Variants in CDS1 observed in about 807,000 individuals in gnomAD.
CDS1 encodes the protein CDP-diacylglycerol synthase 1, also known as phosphatidate cytidylyltransferase 1.
In CDS1, 41 loss-of-function variants were observed where a neutral mutation model predicts 62.1. That is an observed-to-expected ratio of 0.66 (90% confidence interval 0.51 to 0.86). The LOEUF is 0.86. Ranked by LOEUF, CDS1 falls within the 40% of genes least tolerant of loss-of-function variation. CDS1 has a pLI of 0.00. For synonymous variants in CDS1, 185 were observed against 192.6 expected (o/e 0.96, Z 0.32); for missense variants, 470 against 550.1 (o/e 0.85, Z 1.46).
intron 2 of CDS1, among the ~76,000 whole-genome samples, chr4:84,606,548 T>C (rs183263537): frequency 4.5e-4 from 69 of 152,326 alleles, no homozygotes; most frequent in African/African-American, 1.7e-3. Flanking sequence ...TTTAGTATAT[T>C]ACTAAATGTT....
At chr4:84,609,699 G>A (rs758280516) in intron 3 of CDS1, among the ~76,000 whole-genome samples, 174 bp downstream of exon 3, 9 of 152,070 alleles carry the variant, frequency 5.9e-5, no homozygotes, top group Non-Finnish European at 1.3e-4. Flanking sequence ...AATCTTTTCT[G>A]TTTGCAAAAT....
At chr4:84,603,409 CAG>C (rs1281942872) in intron 1 of CDS1, among the ~76,000 whole-genome samples, 4 of 152,114 alleles carry the variant, frequency 2.6e-5, no homozygotes, top group Non-Finnish European at 4.4e-5. Context: ...TGAAGGTTGC[CAG>C]GGTAGGATGG....
Position 84,648,608 on chromosome 4 carries a change from A to G in CDS1, c.1308A>G (p.Glu436=). Residue 436 remains glutamate (E), a synonymous_variant, in exon 13 of 13, where the codon GAA becomes GAG. Transcript: ENST00000295887. ...VLQQLLVLQP[E]QQLNIYKTLK... ...AGCAGTTGTTGGTGCTTCAACCTGA[A>G]CAGCAGTTAAATATATATAAAACCC... 1 of 1,613,932 alleles carries G rather than the reference A, an allele frequency of 6.2e-7. No homozygotes were observed. The highest frequency in any genetic ancestry group is 8.5e-7 in the Non-Finnish European group (1 of 1,179,872).
chr4:84,627,100 G>A (rs1196355708), intron 5 of CDS1, among the ~76,000 whole-genome samples: 2 of 152,168 alleles, frequency 1.3e-5, no homozygotes, highest in Non-Finnish European at 2.9e-5. Context: ...AATATTCCAA[G>A]TGCCCTGTGA....
intron 1 of CDS1, among the ~76,000 whole-genome samples, chr4:84,599,393 GACACAC>G (rs372134066): frequency 5.0e-4 from 27 of 53,620 alleles, no homozygotes; most frequent in African/African-American, 1.0e-3. Context: ...GGCAAATTTT[GACACAC>G]ACACACATAT....
chr4:84,589,202 G>C (rs911536001), intron 1 of CDS1, among the ~76,000 whole-genome samples: 1 of 152,026 alleles, frequency 6.6e-6, no homozygotes, highest in Non-Finnish European at 1.5e-5. Context: ...GTGGTACATC[G>C]GTCAAAACTT....
chr4:84,645,098 GA>G (rs576669477), intron 11 of CDS1, 123 bp from the exon 12 acceptor site: 3 of 665,842 alleles, frequency 4.5e-6, no homozygotes, highest in African/African-American at 1.8e-5. Flanking sequence ...TTTATTTAGT[GA>G]AAAAAATCCA....
At chr4:84,636,523 T>G (rs984710726) in intron 8 of CDS1, among the ~76,000 whole-genome samples, 2 of 152,134 alleles carry the variant, frequency 1.3e-5, no homozygotes, top group African/African-American at 4.8e-5. Flanking sequence ...TTATTTTTGT[T>G]TAGTTTTTAT....
At chr4:84,590,090 C>T (rs1013481947) in intron 1 of CDS1, among the ~76,000 whole-genome samples, 14 of 152,186 alleles carry the variant, frequency 9.2e-5, no homozygotes, top group African/African-American at 2.7e-4. Context: ...GGATTACAGG[C>T]ATGAGCCACC....
rs537127314 is a variant in CDS1 at position 84,599,638 on chromosome 4, A to G, written c.118-4605A>G. ...ATATAATACGTGTGTGTGTATATATATATATATGTATTACATGTACATTTT... is the reference window on the plus strand; with the variant it reads ...ATATAATACGTGTGTGTGTATATATGTATATATGTATTACATGTACATTTT... On this transcript the variant is annotated intron_variant, in intron 1 of 12. Coordinates refer to ENST00000295887, the MANE Select transcript of CDS1 (RefSeq NM_001263.4). 3.0e-4 allele frequency among the ~76,000 whole-genome samples: 46 copies of G among 151,924 alleles called. No homozygotes were observed. In the South Asian group the frequency reaches 3.1e-3, roughly 10 times the overall value.
rs1578061010 is a variant in CDS1, at chr4:84,650,245, G to A, written c.*1559G>A. 6.6e-6 allele frequency: 1 copy of A among 152,042 alleles called. No homozygotes were observed. Among genetic ancestry groups the A allele is most frequent in the East Asian group, 1.9e-4 (1 of 5,176 alleles). 9.4% of individuals were successfully genotyped at this position (152,042 alleles called of 1,614,324 possible). A position where few individuals can be genotyped will look rare whatever the true frequency, so the allele number is the denominator to read the frequency against. On this transcript the variant is annotated 3_prime_UTR_variant, in exon 13 of 13. Coordinates refer to ENST00000295887, the MANE Select transcript of CDS1 (RefSeq NM_001263.4). ...CACATGATTAGACATAGGTGCACTC[G>A]GTACCAAGAGTCCATTTTATGGTCC... is the stretch of plus-strand genomic sequence containing the variant.
rs561844116 is a variant in CDS1 at position 84,592,249 on chromosome 4, C to T, written c.117+8731C>T. On this transcript the variant is annotated intron_variant, in intron 1 of 12. Transcript: ENST00000295887. ...CACGATCTTGGGTCACTACAAGCTT[C>T]GCCTCCCCCGCTCCCCGTTTCAAGC... is the stretch of plus-strand genomic sequence containing the variant. 6.3e-5 allele frequency among the ~76,000 whole-genome samples: 9 copies of T among 142,444 alleles called. No homozygotes were observed. In the East Asian group the frequency reaches 8.4e-4, roughly 13 times the overall value. The allele number at this position is 142,444 out of a possible 152,430, so 93.4% of individuals were successfully genotyped here. A position where few individuals can be genotyped will look rare whatever the true frequency, so the allele number is the denominator to read the frequency against.
intron 3 of CDS1, among the ~76,000 whole-genome samples, chr4:84,616,338 T>C (rs188801817): frequency 1.3e-5 from 2 of 152,364 alleles, no homozygotes; most frequent in Admixed American, 6.5e-5. Context: ...ACACATTTAC[T>C]TTTTAAAGTA....
chr4:84,596,410 CCTT>C (rs1722752992), intron 1 of CDS1, among the ~76,000 whole-genome samples: 5 of 152,134 alleles, frequency 3.3e-5, no homozygotes, highest in Admixed American at 2.6e-4. Flanking sequence ...AAATCTGTTT[CCTT>C]GCCTTTTCTA....
rs542690182 is a variant in CDS1 at position 84,647,793 on chromosome 4, A to G, written c.1257-764A>G. ...ATTGTGGTAACACTAAATAGCAAAC[A>G]TTTCTTTGTTGCTGGGATTTCTACT... On this transcript the variant is annotated intron_variant, in intron 12 of 12. Transcript: ENST00000295887. Among the ~76,000 whole-genome samples the G allele has an allele frequency of 3.3e-5, 5 of 152,148 alleles. No individual in the cohort carries two copies. The South Asian group carries it at 1.0e-3, about 32-fold the overall frequency.
intron 12 of CDS1, among the ~76,000 whole-genome samples, chr4:84,646,764 G>A (rs1724569431): frequency 6.6e-6 from 1 of 152,170 alleles, no homozygotes; most frequent in Non-Finnish European, 1.5e-5. Flanking sequence ...AGTTTTGTCT[G>A]TGTCAGTTAG....
At chr4:84,612,760 G>A (rs1447577078) in intron 3 of CDS1, among the ~76,000 whole-genome samples, 1 of 152,110 alleles carries the variant, frequency 6.6e-6, no homozygotes, top group Non-Finnish European at 1.5e-5. Context: ...GGAGGCCGAG[G>A]CAGGTAGATC....
chr4:84,592,255 C>T (rs1003805530), intron 1 of CDS1, among the ~76,000 whole-genome samples: 50 of 150,038 alleles, frequency 3.3e-4, no homozygotes, highest in African/African-American at 1.1e-3. Context: ...GCTTCGCCTC[C>T]CCCGCTCCCC....
At chr4:84,584,073 A>G (rs1722341589) in intron 1 of CDS1, among the ~76,000 whole-genome samples, 1 of 152,224 alleles carries the variant, frequency 6.6e-6, no homozygotes, top group Non-Finnish European at 1.5e-5. Flanking sequence ...GTGACATAAT[A>G]GTAATCTTCC....
Sources: gnomAD v4.1 joint callset for allele counts (sites outside exome capture counted in the v4.1 genomes callset) on GRCh38, gnomAD v4.1.1 for gene constraint, MANE v1.5 for transcripts, NCBI Gene and HGNC (gene_info 2026-07-23, HGNC 2026-07-21) for gene names.